The following PRSS23 variants were observed in gnomAD, a reference collection of about 807,000 sequenced individuals.
PRSS23 encodes protease, serine 23.
In PRSS23, 25 loss-of-function variants were observed where a neutral mutation model predicts 34.7. The ratio of observed to expected loss-of-function variants is 0.72; its 90% CI spans 0.53 to 1.01. The LOEUF (loss-of-function observed/expected upper bound fraction) is 1.01, where lower values mean the gene tolerates loss of function less well. Among genes scored for constraint, PRSS23 ranks in the 50% least tolerant of loss-of-function variants. The pLI is 0.00. For synonymous variants in PRSS23, 176 were observed against 186.6 expected (o/e 0.94, Z 0.46); for missense variants, 445 against 475.6 (o/e 0.94, Z 0.60).
chr11:86,796,904 G>T (rs1218835011), upstream of PRSS23, among the ~76,000 whole-genome samples: 1 of 152,198 alleles, frequency 6.6e-6, no homozygotes, highest in Non-Finnish European at 1.5e-5. Flanking sequence ...TTCAGCACCT[G>T]CCAGAGTGGG....
Position 86,855,409 on chromosome 11 carries a change from A to T in PRSS23, c.206+31816A>T, listed in dbSNP as rs538340024. Among the ~76,000 whole-genome samples the T allele has an allele frequency of 1.2e-3, 176 of 152,184 alleles. 1 individual carries two copies. The highest frequency in any genetic ancestry group is 4.0e-3 in the African/African-American group (167 of 41,506). ...TCCATCTTTCTGTATTTTTGTACCC[A>T]ATTATCCACTTCTCTCCATTCCCTA... On this transcript the variant is annotated intron_variant, in intron 2 of 2. Coordinates refer to the PRSS23 transcript ENST00000533902.
At chr11:86,800,449 G>T (rs12787975), upstream of PRSS23, 8 of 983,824 alleles carry the variant, frequency 8.1e-6, no homozygotes, top group Non-Finnish European at 9.7e-6. Context: ...CGGCGTCCGC[G>T]CGGCTTCCCC....
At position 86,831,081 on chromosome 11, in the gene PRSS23, C is replaced by A. The variant is rs141852654; in HGVS notation, c.206+7488C>A. On this transcript the variant is annotated intron_variant, in intron 2 of 2. Coordinates refer to the PRSS23 transcript ENST00000533902. Reference sequence around the variant, plus strand: ...GGGGTTTACAACTTGTAATACTATTCGTAATATCCTAGGCGGATGTTATTC... The same window carrying A: ...GGGGTTTACAACTTGTAATACTATTAGTAATATCCTAGGCGGATGTTATTC... Among the ~76,000 whole-genome samples, 978 of 151,986 alleles carry A rather than the reference C, an allele frequency of 6.4e-3. 11 individuals are homozygous for A. The highest frequency in any genetic ancestry group is 0.022 in the African/African-American group (909 of 41,438).
chr11:86,920,580 T>C (rs1199014896), intron 2 of PRSS23, among the ~76,000 whole-genome samples: 1 of 151,908 alleles, frequency 6.6e-6, no homozygotes, highest in African/African-American at 2.4e-5. Flanking sequence ...ATACGGACGT[T>C]TACAGAATGG....
chr11:86,846,033 A>G (rs1388254613), intron 2 of PRSS23, among the ~76,000 whole-genome samples: 1 of 152,082 alleles, frequency 6.6e-6, no homozygotes, highest in Non-Finnish European at 1.5e-5. Flanking sequence ...CACCACACAT[A>G]TTTCCTGCCT....
chr11:86,914,400 C>T (rs1948999344), intron 2 of PRSS23, among the ~76,000 whole-genome samples: 2 of 152,158 alleles, frequency 1.3e-5, no homozygotes, highest in South Asian at 2.1e-4. Flanking sequence ...GGAAAAGGCA[C>T]ATTGGAGAGG....
chr11:86,829,898 A>C (rs547385864), intron 2 of PRSS23, among the ~76,000 whole-genome samples: 2 of 152,208 alleles, frequency 1.3e-5, no homozygotes, highest in East Asian at 3.9e-4. Context: ...GTCTGCCCCT[A>C]CTGGGGGGTG....
At chr11:86,829,463 G>A (rs897122256) in intron 2 of PRSS23, among the ~76,000 whole-genome samples, 12 of 152,004 alleles carry the variant, frequency 7.9e-5, no homozygotes, top group African/African-American at 2.7e-4. Flanking sequence ...CTCATAGTTT[G>A]ATTGTCTGAA....
chr11:86,797,708 T>TA (rs1205317739), upstream of PRSS23, among the ~76,000 whole-genome samples: 12 of 152,336 alleles, frequency 7.9e-5, no homozygotes, highest in East Asian at 2.3e-3. Context: ...ACTGGAGGAC[T>TA]ACACTCCGAA....
At chr11:86,927,653 T>C (rs1435283007) in intron 2 of PRSS23, among the ~76,000 whole-genome samples, 1 of 152,132 alleles carries the variant, frequency 6.6e-6, no homozygotes, top group Non-Finnish European at 1.5e-5. Context: ...GGCCTTACCT[T>C]CTAATTTTTA....
In PRSS23 at chr11:86,807,766, G is replaced by A. The variant is rs1362818091; in HGVS notation, c.123G>A (p.Leu41=). 4 of 1,613,920 alleles carry A rather than the reference G, an allele frequency of 2.5e-6. No homozygotes were observed. The highest frequency in any genetic ancestry group is 1.7e-5 in the Admixed American group (1 of 59,990). ...CTGCATACCGCCTCCCTGTCGTCTT[G>A]CCCCAGTCTACCCTCAATTTAGCCA... is the stretch of plus-strand genomic sequence containing the variant. ...TWPAYRLPVV[L]PQSTLNLAKP... The change falls in exon 2 of 2, where the codon TTG becomes TTA. Residue 41 remains leucine, a synonymous_variant. Coordinates refer to ENST00000280258, the MANE Select transcript of PRSS23 (RefSeq NM_007173.6).
chr11:86,847,186 A>G (rs1432737883), intron 2 of PRSS23, among the ~76,000 whole-genome samples: 1 of 152,170 alleles, frequency 6.6e-6, no homozygotes, highest in African/African-American at 2.4e-5. Context: ...CCTGGTCTGG[A>G]GGACATCCAC....
chr11:86,796,566 G>C (rs923167926), upstream of PRSS23, among the ~76,000 whole-genome samples: 5 of 145,604 alleles, frequency 3.4e-5, no homozygotes, highest in Non-Finnish European at 7.5e-5. Flanking sequence ...GCGTGAACCC[G>C]GGAGGCGGAG....
Position 86,808,127 on chromosome 11 carries a change from G to A in PRSS23, c.484G>A (p.Gly162Ser), listed in dbSNP as rs757407667. 10 of 1,614,050 alleles carry A rather than the reference G, an allele frequency of 6.2e-6. No homozygotes were observed. The highest frequency in any genetic ancestry group is 8.5e-6 in the Non-Finnish European group (10 of 1,180,032). The stretch of plus-strand genomic sequence containing the variant: ...AGTGAAGTTATCCACGGGCTGCACC[G>A]GCACCCTGGTGGCAGAGAAGCATGT... ...TSVKLSTGCT[G>S]TLVAEKHVLT... The change falls in exon 2 of 2, where the codon GGC becomes AGC. Residue 162 changes from glycine to serine, a missense_variant. Transcript: ENST00000280258.
intron 2 of PRSS23, among the ~76,000 whole-genome samples, chr11:86,835,513 G>C (rs1321168654): frequency 6.6e-6 from 1 of 152,206 alleles, no homozygotes; most frequent in African/African-American, 2.4e-5. Context: ...TTCTGCTTCA[G>C]GGGTCCATCT....
chr11:86,871,153 G>A (rs1948682035), intron 2 of PRSS23, among the ~76,000 whole-genome samples: 1 of 152,132 alleles, frequency 6.6e-6, no homozygotes, highest in African/African-American at 2.4e-5. Context: ...TAAGCTACTA[G>A]CAGATCATCT....
At chr11:86,882,274 A>T (rs3016249) in intron 2 of PRSS23, among the ~76,000 whole-genome samples, 2 of 151,944 alleles carry the variant, frequency 1.3e-5, no homozygotes, top group African/African-American at 2.4e-5. Flanking sequence ...GCATGTCATG[A>T]GGGTTTCTTG....
At chr11:86,896,464 C>G (rs1204993315) in intron 2 of PRSS23, 2 of 152,108 alleles carry the variant, frequency 1.3e-5, no homozygotes, top group Non-Finnish European at 2.9e-5. Flanking sequence ...TTGTCACGAT[C>G]CACCAAATAG....
chr11:86,937,038 C>G (rs546425986), intron 2 of PRSS23: 40 of 152,260 alleles, frequency 2.6e-4, no homozygotes, highest in Admixed American at 5.2e-4. Flanking sequence ...TACATGTGCC[C>G]TAATAGAGGG....
Sources: gnomAD v4.1 joint callset for allele counts (sites outside exome capture counted in the v4.1 genomes callset) on GRCh38, gnomAD v4.1.1 for gene constraint, MANE v1.5 for transcripts, NCBI Gene and HGNC (gene_info 2026-07-23, HGNC 2026-07-21) for gene names.